Variants in ZNF385D observed in about 807,000 individuals in gnomAD.
ZNF385D encodes the protein zinc finger protein 385D.
In ZNF385D, 15 loss-of-function variants were observed where a neutral mutation model predicts 35.8. The observed-to-expected ratio is 0.42, with a 90% CI of 0.28 to 0.64. The LOEUF is 0.64. Ranked by LOEUF, ZNF385D falls within the 30% of genes least tolerant of loss-of-function variation. The pLI, the probability that ZNF385D is intolerant of heterozygous loss-of-function variation, is 0.23. For missense variants in ZNF385D, 474 were observed against 494.6 expected (o/e 0.96, Z 0.39); for synonymous variants, 212 against 186.8 (o/e 1.13, Z -1.10).
intron 1 of ZNF385D, among the ~76,000 whole-genome samples, chr3:21,721,968 C>T (rs147992903): frequency 4.2e-4 from 64 of 152,094 alleles, no homozygotes; most frequent in African/African-American, 1.4e-3. Flanking sequence ...GGCGTGGTGG[C>T]GTGTGCCTAT....
At chr3:22,215,442 G>T (rs773856339) in intron 2 of ZNF385D, among the ~76,000 whole-genome samples, 1 of 151,896 alleles carries the variant, frequency 6.6e-6, no homozygotes, top group Non-Finnish European at 1.5e-5. Context: ...CTCTAAAATG[G>T]CTGCTTCAGG....
rs137889113 is a variant in ZNF385D, at chr3:22,265,191, A to T, written c.107-96156T>A. 1.7e-3 allele frequency among the ~76,000 whole-genome samples: 256 copies of T among 152,044 alleles called. 1 individual carries two copies. The highest frequency in any genetic ancestry group is 6.1e-3 in the African/African-American group (253 of 41,520). Reference sequence around the variant, plus strand: ...AAATTGTGGTAAATGCATCAGAAAGATATACAAAAACTGCAACCTGATAGA... The same window carrying T: ...AAATTGTGGTAAATGCATCAGAAAGTTATACAAAAACTGCAACCTGATAGA... On this transcript the variant is annotated intron_variant, in intron 2 of 5. Transcript: ENST00000494108.
chr3:22,305,086 GCTTTCGT>G (rs561202807), intron 2 of ZNF385D, among the ~76,000 whole-genome samples: 23 of 151,798 alleles, frequency 1.5e-4, no homozygotes, highest in African/African-American at 5.6e-4. Flanking sequence ...TTTAATCTCA[GCTTTCGT>G]CTTAGGTACC....
In ZNF385D at chr3:22,227,224, T is replaced by C. The variant is rs182250346; in HGVS notation, c.107-58189A>G. Among the ~76,000 whole-genome samples, 22 of 152,234 alleles carry C rather than the reference T, an allele frequency of 1.4e-4. No individual in the cohort carries two copies. In the East Asian group the frequency reaches 4.1e-3, roughly 28 times the overall value. ...GGTGCTTGTCATCCAAGGTTCCTAG[T>C]TCCTAACTCCCATAACCGTTGTTAC... On this transcript the variant is annotated intron_variant, in intron 2 of 5. Coordinates refer to the ZNF385D transcript ENST00000494108.
intron 4 of ZNF385D, among the ~76,000 whole-genome samples, chr3:21,447,248 A>C (rs1025336632): frequency 6.6e-6 from 1 of 152,156 alleles, no homozygotes; most frequent in African/African-American, 2.4e-5. Context: ...ACAAAAAGAA[A>C]CTCAATTTAC....
At chr3:21,484,054 G>A (rs1056613274) in intron 4 of ZNF385D, among the ~76,000 whole-genome samples, 2 of 152,120 alleles carry the variant, frequency 1.3e-5, no homozygotes, top group African/African-American at 4.8e-5. Context: ...GCTTAATGAC[G>A]ATTGTATAGT....
At chr3:21,728,474 G>C (rs991006957) in intron 1 of ZNF385D, among the ~76,000 whole-genome samples, 2 of 152,044 alleles carry the variant, frequency 1.3e-5, no homozygotes, top group East Asian at 1.9e-4. Flanking sequence ...GAAACAAAAG[G>C]CATTCAATTA....
chr3:21,470,377 G>C lies in ZNF385D; in HGVS notation c.440-33174C>G, dbSNP rs1329871928. 2.6e-5 allele frequency among the ~76,000 whole-genome samples: 4 copies of C among 152,202 alleles called. No individual in the cohort carries two copies. The East Asian group carries it at 7.7e-4, about 29-fold the overall frequency. On this transcript the variant is annotated intron_variant, in intron 4 of 7. Coordinates refer to ENST00000281523, the MANE Select transcript of ZNF385D (RefSeq NM_024697.3). ...TAGCATTGTTCTAAAATGTGATGGG[G>C]TGGGTGTATTCTGCCTACATTGTCC...
At chr3:21,959,267 C>A (rs1413695138) in intron 3 of ZNF385D, among the ~76,000 whole-genome samples, 1 of 152,078 alleles carries the variant, frequency 6.6e-6, no homozygotes, top group Admixed American at 6.6e-5. Context: ...AAGAAAAACA[C>A]ACTTCAAATA....
upstream of ZNF385D, among the ~76,000 whole-genome samples, chr3:21,752,013 C>CCG (rs1553652576): frequency 3.7e-5 from 2 of 53,894 alleles, no homozygotes; most frequent in Admixed American, 1.9e-4. Flanking sequence ...ACCCACCCCC[C>CCG]TCCCCCCCCC....
intron 2 of ZNF385D, among the ~76,000 whole-genome samples, chr3:22,207,475 A>G (rs1697232142): frequency 6.6e-6 from 1 of 151,998 alleles, no homozygotes. Flanking sequence ...AAGACCTCAA[A>G]CCATGAAACT....
chr3:21,772,093 G>C (rs532862918), intron 3 of ZNF385D, among the ~76,000 whole-genome samples: 3 of 151,984 alleles, frequency 2.0e-5, no homozygotes, highest in South Asian at 2.1e-4. Context: ...TGGATTAAAG[G>C]CTTAAATATA....
chr3:21,513,889 A>G lies in ZNF385D; in HGVS notation c.277-2866T>C, dbSNP rs527937191. Among the ~76,000 whole-genome samples the G allele has an allele frequency of 2.8e-4, 43 of 152,274 alleles. 1 individual carries two copies. In the South Asian group the frequency reaches 5.0e-3, roughly 18 times the overall value. Reference sequence around the variant, plus strand: ...ATTCAGGTATGCTGTATAACAGTGTATTCCCTATGTGAAGGCAGAAAACCC... The same window carrying G: ...ATTCAGGTATGCTGTATAACAGTGTGTTCCCTATGTGAAGGCAGAAAACCC... On this transcript the variant is annotated intron_variant, in intron 3 of 7. Coordinates refer to ENST00000281523, the MANE Select transcript of ZNF385D (RefSeq NM_024697.3).
At chr3:21,432,194 A>G (rs1183170965) in intron 5 of ZNF385D, among the ~76,000 whole-genome samples, 1 of 152,048 alleles carries the variant, frequency 6.6e-6, no homozygotes, top group Non-Finnish European at 1.5e-5. Context: ...CTCTATTGAA[A>G]TGTATTAAAT....
intron 3 of ZNF385D, among the ~76,000 whole-genome samples, chr3:22,122,808 T>G (rs1298225104): frequency 6.6e-6 from 1 of 152,164 alleles, no homozygotes; most frequent in East Asian, 1.9e-4. Context: ...CTGAAAATAC[T>G]TTAAACAGAG....
At chr3:21,614,095 G>T (rs1300414705) in intron 2 of ZNF385D, among the ~76,000 whole-genome samples, 1 of 152,128 alleles carries the variant, frequency 6.6e-6, no homozygotes, top group African/African-American at 2.4e-5. Context: ...AGTTTTCTAG[G>T]GCTGCCATAA....
intron 3 of ZNF385D, among the ~76,000 whole-genome samples, chr3:21,562,907 G>T (rs954297902): frequency 1.3e-5 from 2 of 152,068 alleles, no homozygotes; most frequent in African/African-American, 4.8e-5. Flanking sequence ...AAGCAATTCT[G>T]TGGTAAAGTT....
At chr3:22,094,535 A>G (rs1701512957) in intron 3 of ZNF385D, among the ~76,000 whole-genome samples, 2 of 151,912 alleles carry the variant, frequency 1.3e-5, no homozygotes, top group South Asian at 4.2e-4. Flanking sequence ...AGTAAGACAT[A>G]GGCCAGACAC....
chr3:22,232,746 C>G (rs1294902463), intron 2 of ZNF385D, among the ~76,000 whole-genome samples: 1 of 152,160 alleles, frequency 6.6e-6, no homozygotes, highest in Non-Finnish European at 1.5e-5. Flanking sequence ...GCATAGTATT[C>G]CATGGTGTGT....
Sources: allele counts gnomAD v4.1 joint callset (sites outside exome capture counted in the v4.1 genomes callset), GRCh38; gene constraint gnomAD v4.1.1; transcripts MANE v1.5; gene names NCBI Gene and HGNC (gene_info 2026-07-23, HGNC 2026-07-21).